The following RBBP4 variants were observed in gnomAD, a reference collection of about 807,000 sequenced individuals.
The protein encoded by RBBP4 is histone-binding protein RBBP4.
In RBBP4, 3 loss-of-function variants were observed where a neutral mutation model predicts 57.2. The observed-to-expected ratio is 0.05, with a 90% CI of 0.02 to 0.14. The LOEUF (loss-of-function observed/expected upper bound fraction) is 0.14, where lower values mean the gene tolerates loss of function less well. Among genes scored for constraint, RBBP4 ranks in the 10% least tolerant of loss-of-function variants. The pLI is 1.00. For synonymous variants in RBBP4, 151 were observed against 171.5 expected, an observed-to-expected ratio of 0.88 and a Z score of 0.93; for missense variants, 107 against 520.6, an observed-to-expected ratio of 0.21 and a Z score of 7.73.
intron 3 of RBBP4, chr1:32,662,359 A>C (rs1226412411): frequency 1.1e-5 from 2 of 176,288 alleles, no homozygotes. Flanking sequence ...CACACCAGCT[A>C]ATTTTTGTTG....
rs1649429195 is a variant in RBBP4, at chr1:32,681,431, G to A, written c.*1726G>A. 5.6e-6 allele frequency: 1 copy of A among 179,894 alleles called. No homozygotes were observed. Among genetic ancestry groups the A allele is most frequent in the African/African-American group, 2.4e-5 (1 of 42,532 alleles). The allele number at this position is 179,894 out of a possible 1,614,324, so 11.1% of individuals were successfully genotyped here. A position where few individuals can be genotyped will look rare whatever the true frequency, so the allele number is the denominator to read the frequency against. ...TTGTAAACCCATGTAATGGAAATTGGCTATCTTTTTGACCCCACATGTGCC... is the reference window on the plus strand; with the variant it reads ...TTGTAAACCCATGTAATGGAAATTGACTATCTTTTTGACCCCACATGTGCC... On this transcript the variant is annotated 3_prime_UTR_variant, in exon 12 of 12. Coordinates refer to ENST00000373493, the MANE Select transcript of RBBP4 (RefSeq NM_005610.3).
Position 32,681,624 on chromosome 1 carries a change from C to T in RBBP4, c.*1919C>T. 3.1e-6 allele frequency: 2 copies of T among 637,138 alleles called. No homozygotes were observed. Among genetic ancestry groups the T allele is most frequent in the East Asian group, 2.8e-5 (1 of 36,126 alleles). 39.5% of individuals were successfully genotyped at this position (637,138 alleles called of 1,614,324 possible). A position where few individuals can be genotyped will look rare whatever the true frequency, so the allele number is the denominator to read the frequency against. The stretch of plus-strand genomic sequence containing the variant: ...CTTGGTGCATTGAGATCAGTATCAA[C>T]AGCAGATGAAATAGAATCCAGCAAA... On this transcript the variant is annotated 3_prime_UTR_variant, in exon 12 of 12. Coordinates refer to ENST00000373493, the MANE Select transcript of RBBP4 (RefSeq NM_005610.3).
intron 11 of RBBP4, among the ~76,000 whole-genome samples, chr1:32,676,612 CAAAAAAAAA>C (rs1229475952): frequency 6.9e-5 from 4 of 57,926 alleles, no homozygotes; most frequent in East Asian, 1.2e-3. Context: ...AACTCCATCT[CAAAAAAAAA>C]AAAAAAAGAA....
At chr1:32,676,624 AAAAAG>A (rs1458808412) in intron 11 of RBBP4, among the ~76,000 whole-genome samples, 4 of 31,130 alleles carry the variant, frequency 1.3e-4, no homozygotes, top group Admixed American at 2.7e-4. Context: ...AAAAAAAAAA[AAAAAG>A]AAAAAGAAAA....
In RBBP4 at chr1:32,669,587, T is replaced by G; in HGVS notation, c.966+24T>G. 1.3e-6 allele frequency: 2 copies of G among 1,582,916 alleles called. No homozygotes were observed. The highest frequency in any genetic ancestry group is 1.7e-6 in the Non-Finnish European group (2 of 1,169,954). ...AGGTAAGAGAAACTAATGCTACTAT[T>G]TTGTTTGTTTTAAGAAAAACCTGCT... On this transcript the variant is annotated intron_variant, in intron 8 of 11. Coordinates refer to ENST00000373493, the MANE Select transcript of RBBP4 (RefSeq NM_005610.3). This position sits in a 1 kb window ranked among gnomAD's most constrained non-coding sequence, Gnocchi z 4.9.
chr1:32,677,914 T>C (rs910842763), intron 11 of RBBP4, among the ~76,000 whole-genome samples: 4 of 152,312 alleles, frequency 2.6e-5, no homozygotes, highest in Admixed American at 1.3e-4. Flanking sequence ...ATTTTGCTCC[T>C]GTGAAAGTGG....
chr1:32,678,744 C>G (rs139386464), intron 11 of RBBP4, among the ~76,000 whole-genome samples: 3 of 151,762 alleles, frequency 2.0e-5, no homozygotes, highest in Non-Finnish European at 2.9e-5. Context: ...GGTGCACCCC[C>G]ACACATGGCT....
At chr1:32,670,416 A>C (rs1648821018) in intron 8 of RBBP4, among the ~76,000 whole-genome samples, 2 of 152,070 alleles carry the variant, frequency 1.3e-5, no homozygotes, top group South Asian at 4.1e-4. Context: ...AGCATGTGGG[A>C]GTTTATATCC....
chr1:32,684,434 C>A lies in RBBP4; in HGVS notation c.*4729C>A, dbSNP rs767240487. The A allele has an allele frequency of 3.0e-5, 49 of 1,612,008 alleles. No individual in the cohort carries two copies. The Middle Eastern group carries it at 4.9e-4, about 16-fold the overall frequency. On this transcript the variant is annotated 3_prime_UTR_variant, in exon 12 of 12. Transcript: ENST00000373493. ...TAATGAGCCAAACAATAAAAACTCACATTGTCCACTCTTACTTATAAAACA... is the reference window on the plus strand; with the variant it reads ...TAATGAGCCAAACAATAAAAACTCAAATTGTCCACTCTTACTTATAAAACA...
At chr1:32,666,022 ATAG>A (rs1353844587) in intron 3 of RBBP4, among the ~76,000 whole-genome samples, 3 of 152,230 alleles carry the variant, frequency 2.0e-5, no homozygotes, top group African/African-American at 7.2e-5. Flanking sequence ...CTAAGTGCAC[ATAG>A]TAGTCATGTG....
chr1:32,661,870 C>CTTTTTTT (rs71006354), intron 3 of RBBP4, among the ~76,000 whole-genome samples: 2 of 49,308 alleles, frequency 4.1e-5, no homozygotes, highest in Admixed American at 3.2e-4. Context: ...CCTTTGCCCA[C>CTTTTTTT]TTTTTTTTTT....
intron 2 of RBBP4, among the ~76,000 whole-genome samples, chr1:32,656,537 A>G (rs1270996734): frequency 6.6e-6 from 1 of 152,104 alleles, no homozygotes; most frequent in Non-Finnish European, 1.5e-5. Flanking sequence ...TTTTTAGTAG[A>G]GACCGGGTTT....
chr1:32,676,740 A>T (rs562827672), intron 11 of RBBP4, among the ~76,000 whole-genome samples: 49 of 152,260 alleles, frequency 3.2e-4, no homozygotes, highest in African/African-American at 1.2e-3. Flanking sequence ...GAAAACAGAA[A>T]ATTCACCTCA....
In RBBP4 at chr1:32,683,705, C is replaced by G; in HGVS notation, c.*4000C>G. The G allele has an allele frequency of 6.9e-6, 2 of 290,382 alleles. No homozygotes were observed. Among genetic ancestry groups the G allele is most frequent in the South Asian group, 8.0e-5 (2 of 24,962 alleles). 18.0% of individuals were successfully genotyped at this position (290,382 alleles called of 1,614,324 possible). A position where few individuals can be genotyped will look rare whatever the true frequency, so the allele number is the denominator to read the frequency against. ...CTGGAGTGCTGTATTGTGATCTTGA[C>G]TCACTGCAACCTCTGCCTCCTGGTT... On this transcript the variant is annotated 3_prime_UTR_variant, in exon 12 of 12. Transcript: ENST00000373493.
intron 11 of RBBP4, among the ~76,000 whole-genome samples, chr1:32,673,806 T>C (rs946598059): frequency 8.5e-5 from 13 of 152,226 alleles, no homozygotes; most frequent in African/African-American, 3.1e-4. Context: ...ATTTTTAAAA[T>C]AGTTATATTC....
At chr1:32,655,485 C>T (rs892092401) in intron 2 of RBBP4, among the ~76,000 whole-genome samples, 4 of 152,158 alleles carry the variant, frequency 2.6e-5, no homozygotes, top group Non-Finnish European at 5.9e-5. Flanking sequence ...CAGGTAATTC[C>T]AATTTTCTGT....
At chr1:32,651,383 A>G (rs1647610043) in intron 1 of RBBP4, 61 bp downstream of exon 1, 6 of 1,402,580 alleles carry the variant, frequency 4.3e-6, no homozygotes, top group Non-Finnish European at 5.6e-6. Flanking sequence ...CGCGGCCTCG[A>G]CATGGCCTAA....
At chr1:32,651,420 A>C in intron 1 of RBBP4, 98 bp downstream of exon 1, 2 of 1,381,226 alleles carry the variant, frequency 1.4e-6, no homozygotes, top group Non-Finnish European at 1.9e-6. Flanking sequence ...GAGTTTGCCG[A>C]GTGCAGTCCC....
intron 3 of RBBP4, among the ~76,000 whole-genome samples, chr1:32,660,790 CT>C (rs937678898): frequency 4.0e-5 from 6 of 151,808 alleles, no homozygotes; most frequent in Non-Finnish European, 8.8e-5. Flanking sequence ...AGAATCCAGC[CT>C]TTTTTTCCTA....
Sources: allele counts gnomAD v4.1 joint callset (sites outside exome capture counted in the v4.1 genomes callset), GRCh38; gene constraint gnomAD v4.1.1; non-coding constraint Gnocchi (gnomAD v3.1); transcripts MANE v1.5; gene names NCBI Gene and HGNC (gene_info 2026-07-23, HGNC 2026-07-21).